Variants in PTPRQ observed in about 807,000 individuals in gnomAD.
PTPRQ encodes phosphatidylinositol phosphatase PTPRQ.
PTPRQ carries 199 observed loss-of-function variants against 246.0 expected under a neutral mutation model. The observed-to-expected ratio is 0.81, with a 90% CI of 0.72 to 0.91. The LOEUF is 0.91. PTPRQ is among the 40% of genes least tolerant of loss of function. The pLI, the probability that PTPRQ is intolerant of heterozygous loss-of-function variation, is 0.00. For missense variants in PTPRQ, 2,624 were observed against 2,528.4 expected, an observed-to-expected ratio of 1.04 and a Z score of -0.81; for synonymous variants, 869 against 853.2, an observed-to-expected ratio of 1.02 and a Z score of -0.32.
At chr12:80,659,026 A>T (rs1900542118) in intron 39 of PTPRQ, among the ~76,000 whole-genome samples, 1 of 152,056 alleles carries the variant, frequency 6.6e-6, no homozygotes, top group African/African-American at 2.4e-5. Flanking sequence ...TTGATAACTA[A>T]TCTAAAATTA....
intron 8 of PTPRQ, among the ~76,000 whole-genome samples, chr12:80,473,419 A>T (rs1404586955): frequency 6.6e-6 from 1 of 152,244 alleles, no homozygotes. Context: ...CTAGGAAACT[A>T]GACAGATTTA....
chr12:80,454,566 T>C (rs1252512410), intron 3 of PTPRQ: 1 of 702,494 alleles, frequency 1.4e-6, no homozygotes, highest in Non-Finnish European at 2.6e-6. Flanking sequence ...GATAATCCTT[T>C]AAACTTTTCT....
At chr12:80,629,263 C>T (rs753875797) in intron 33 of PTPRQ, among the ~76,000 whole-genome samples, 48 of 152,182 alleles carry the variant, frequency 3.2e-4, no homozygotes, top group Non-Finnish European at 6.8e-4. Flanking sequence ...CGGGGCCTCA[C>T]CCTATGGCCT....
chr12:80,677,964 T>C (rs1041078662), intron 43 of PTPRQ, among the ~76,000 whole-genome samples: 5 of 152,146 alleles, frequency 3.3e-5, no homozygotes, highest in African/African-American at 9.7e-5. Flanking sequence ...TTGAATTATA[T>C]TGAAAACATT....
intron 6 of PTPRQ, among the ~76,000 whole-genome samples, chr12:80,467,939 A>C (rs1382289842): frequency 6.6e-6 from 1 of 152,176 alleles, no homozygotes; most frequent in Non-Finnish European, 1.5e-5. Context: ...GCAAACCAAC[A>C]TGGCACATGT....
intron 9 of PTPRQ, among the ~76,000 whole-genome samples, chr12:80,488,838 G>A (rs1328744557): frequency 6.6e-6 from 1 of 151,914 alleles, no homozygotes; most frequent in East Asian, 1.9e-4. Flanking sequence ...GCTGAAATAT[G>A]TATAAGATTT....
intron 6 of PTPRQ, among the ~76,000 whole-genome samples, chr12:80,466,032 A>G (rs1227633986): frequency 2.0e-5 from 3 of 152,194 alleles, no homozygotes; most frequent in East Asian, 3.9e-4. Flanking sequence ...AAGGAAGTAA[A>G]CGGTATTCAA....
Position 80,554,997 on chromosome 12 carries a change from T to C in PTPRQ, c.4285+5263T>C, listed in dbSNP as rs190773379. ...GGCGCTATCTTGACTCACTGCAGCC[T>C]CCACCTCTCAGGTTCAAGCAATTCT... On this transcript the variant is annotated intron_variant, in intron 25 of 44. Coordinates refer to ENST00000644991, the MANE Select transcript of PTPRQ (RefSeq NM_001145026.2). 1.3e-4 allele frequency among the ~76,000 whole-genome samples: 20 copies of C among 152,252 alleles called. No individual in the cohort carries two copies. In the East Asian group the frequency reaches 1.7e-3, roughly 13 times the overall value.
At chr12:80,641,841 CCTT>C in intron 35 of PTPRQ, among the ~76,000 whole-genome samples, 1 of 151,760 alleles carries the variant, frequency 6.6e-6, no homozygotes, top group East Asian at 1.9e-4. Context: ...TTCTTTTTCT[CCTT>C]CTCTCTTTCT....
chr12:80,534,113 G>A lies in PTPRQ; in HGVS notation c.2777G>A (p.Ser926Asn), dbSNP rs1158113369. The change falls in exon 18 of 45, where the codon AGC (serine) becomes AAC (asparagine). Residue 926 changes from serine (S) to asparagine (N), a missense_variant. Coordinates refer to ENST00000644991, the MANE Select transcript of PTPRQ (RefSeq NM_001145026.2). ...GAATACAGTGCTTATGTAACAGCTA[G>A]CACCAGATTTGGTGATGGGAAAACA... ...NVEYSAYVTA[S>N]TRFGDGKTRS... 8.4e-6 allele frequency: 13 copies of A among 1,541,718 alleles called. No homozygotes were observed. The East Asian group carries it at 3.0e-4, about 35-fold the overall frequency.
At chr12:80,544,821 G>A (rs750603822) in intron 23 of PTPRQ, among the ~76,000 whole-genome samples, 10 of 151,558 alleles carry the variant, frequency 6.6e-5, no homozygotes, top group Non-Finnish European at 1.0e-4. Context: ...TAAATTATGT[G>A]TGCATTTGTG....
intron 17 of PTPRQ, among the ~76,000 whole-genome samples, chr12:80,521,172 T>C (rs1265633628): frequency 6.6e-6 from 1 of 152,194 alleles, no homozygotes; most frequent in African/African-American, 2.4e-5. Context: ...TTCAGAAGTG[T>C]CTGTTCATAT....
At position 80,620,335 on chromosome 12, in the gene PTPRQ, C is replaced by G. The variant is rs907951117; in HGVS notation, c.5571C>G (p.Asp1857Glu). Residue 1857 changes from aspartate to glutamate, a missense_variant, in exon 32 of 45, where the codon GAC becomes GAG. Coordinates refer to ENST00000644991, the MANE Select transcript of PTPRQ (RefSeq NM_001145026.2). Reference protein sequence around the residue: ...DNACMIPGNEDKICNGPLKPK... With the variant: ...DNACMIPGNEEKICNGPLKPK... ...CATGCATGATTCCTGGCAATGAAGA[C>G]AAAATTTGCAATGGACCACTGAAAC... The G allele has an allele frequency of 1.9e-6, 3 of 1,549,080 alleles. No homozygotes were observed. Among genetic ancestry groups the G allele is most frequent in the Non-Finnish European group, 2.6e-6 (3 of 1,145,408 alleles).
intron 6 of PTPRQ, 54 bp from the exon 7 acceptor site, chr12:80,468,656 G>T: frequency 2.8e-6 from 4 of 1,437,682 alleles, no homozygotes; most frequent in South Asian, 3.2e-5. Context: ...ATTTAATAGG[G>T]TGCGCTTTCA....
chr12:80,540,313 AATC>A (rs1320141561), intron 20 of PTPRQ, among the ~76,000 whole-genome samples: 1 of 150,422 alleles, frequency 6.6e-6, no homozygotes, highest in African/African-American at 2.4e-5. Context: ...TCAGACTTTG[AATC>A]TACACAGGAC....
chr12:80,637,997 G>A (rs1445333915), intron 35 of PTPRQ, among the ~76,000 whole-genome samples: 3 of 152,080 alleles, frequency 2.0e-5, no homozygotes, highest in Admixed American at 6.5e-5. Flanking sequence ...GCTGGGCATA[G>A]TGGCTCATGC....
chr12:80,463,385 G>A (rs557269548), intron 6 of PTPRQ, among the ~76,000 whole-genome samples: 10 of 152,312 alleles, frequency 6.6e-5, no homozygotes, highest in South Asian at 2.1e-4. Flanking sequence ...CCAAATCTAC[G>A]TATGATTGGT....
rs968771484 is a variant in PTPRQ at position 80,542,260 on chromosome 12, T to G, written c.3617T>G (p.Leu1206Trp). 1 of 1,550,786 alleles carries G rather than the reference T, an allele frequency of 6.4e-7. No homozygotes were observed. The highest frequency in any genetic ancestry group is 1.4e-5 in the African/African-American group (1 of 73,148). The stretch of plus-strand genomic sequence containing the variant: ...ATTACTTCTGATAATTACATAATAT[T>G]GGAAGAGCTTTCACCATTTACATTA... ...SFITSDNYII[L>W]EELSPFTLYS... The change falls in exon 22 of 45, where the codon TTG becomes TGG. Residue 1206 changes from leucine (L) to tryptophan (W), a missense_variant. Transcript: ENST00000644991.
intron 35 of PTPRQ, among the ~76,000 whole-genome samples, chr12:80,639,952 T>C (rs1454498156): frequency 6.6e-6 from 1 of 152,100 alleles, no homozygotes; most frequent in Non-Finnish European, 1.5e-5. Flanking sequence ...TATGTAAATG[T>C]CTAAGGTCAT....
Sources: allele counts gnomAD v4.1 joint callset (sites outside exome capture counted in the v4.1 genomes callset), GRCh38; gene constraint gnomAD v4.1.1; transcripts MANE v1.5; gene names NCBI Gene and HGNC (gene_info 2026-07-23, HGNC 2026-07-21).